Variants in NOL4 observed in about 807,000 individuals in gnomAD.
The protein encoded by NOL4 is cancer/testis antigen 125.
NOL4 carries 17 observed loss-of-function variants against 75.9 expected under a neutral mutation model. The observed-to-expected ratio is 0.22, with a 90% CI of 0.15 to 0.34. The LOEUF (loss-of-function observed/expected upper bound fraction) is 0.34, where lower values mean the gene tolerates loss of function less well. Among genes scored for constraint, NOL4 ranks in the 10% least tolerant of loss-of-function variants. The pLI is 1.00. For missense variants in NOL4, 614 were observed against 793.5 expected, an observed-to-expected ratio of 0.77 and a Z score of 2.72; for synonymous variants, 292 against 289.9, an observed-to-expected ratio of 1.01 and a Z score of -0.07.
At chr18:34,087,749 T>A (rs977400226) in intron 5 of NOL4, among the ~76,000 whole-genome samples, 2 of 149,768 alleles carry the variant, frequency 1.3e-5, no homozygotes, top group African/African-American at 4.9e-5. Flanking sequence ...TACATTTGCC[T>A]TTTTTTTTGA....
intron 6 of NOL4, among the ~76,000 whole-genome samples, chr18:33,974,662 C>T (rs568661231): frequency 1.3e-5 from 2 of 151,964 alleles, no homozygotes; most frequent in South Asian, 4.2e-4. Context: ...CAAGAATCGC[C>T]AAAATGCAAC....
intron 1 of NOL4, among the ~76,000 whole-genome samples, chr18:34,137,663 A>T (rs1217364783): frequency 6.6e-6 from 1 of 152,212 alleles, no homozygotes; most frequent in African/African-American, 2.4e-5. Flanking sequence ...ATCCTCATAC[A>T]TTGCTGGTGG....
intron 6 of NOL4, among the ~76,000 whole-genome samples, chr18:34,005,914 C>T (rs1043077752): frequency 6.6e-6 from 1 of 152,024 alleles, no homozygotes; most frequent in Non-Finnish European, 1.5e-5. Context: ...TTTCTTTTCA[C>T]CTTCTCAAAT....
At chr18:34,059,114 T>C (rs935214914) in intron 5 of NOL4, among the ~76,000 whole-genome samples, 12 of 111,562 alleles carry the variant, frequency 1.1e-4, no homozygotes, top group African/African-American at 6.3e-5. Flanking sequence ...GAGAGATAGA[T>C]AGATATACAT....
chr18:34,164,350 A>T (rs1378387444), intron 1 of NOL4, among the ~76,000 whole-genome samples: 1 of 152,162 alleles, frequency 6.6e-6, no homozygotes, highest in Non-Finnish European at 1.5e-5. Context: ...CATCTGACAA[A>T]GGGCTAATAT....
chr18:34,115,225 T>C (rs548312907), intron 2 of NOL4, among the ~76,000 whole-genome samples: 1 of 152,132 alleles, frequency 6.6e-6, no homozygotes, highest in African/African-American at 2.4e-5. Context: ...CCTTTCCTTT[T>C]TTGGACATAC....
intron 5 of NOL4, among the ~76,000 whole-genome samples, chr18:34,020,485 T>C (rs572046255): frequency 3.9e-5 from 6 of 152,308 alleles, no homozygotes; most frequent in African/African-American, 1.4e-4. Flanking sequence ...TTTGTTCCAG[T>C]CATTACACTT....
intron 6 of NOL4, among the ~76,000 whole-genome samples, chr18:33,979,557 C>T (rs1160245261): frequency 6.6e-6 from 1 of 151,752 alleles, no homozygotes; most frequent in Non-Finnish European, 1.5e-5. Context: ...GTCCACAATC[C>T]TTTATTTAGA....
At chr18:34,201,057 G>C (rs939209154) in intron 1 of NOL4, among the ~76,000 whole-genome samples, 15 of 151,608 alleles carry the variant, frequency 9.9e-5, no homozygotes, top group African/African-American at 3.6e-4. Context: ...GACTGTGAGA[G>C]ACACACAAAG....
chr18:33,921,198 A>G (rs978968480), intron 9 of NOL4, among the ~76,000 whole-genome samples: 4 of 152,190 alleles, frequency 2.6e-5, no homozygotes, highest in African/African-American at 9.7e-5. Flanking sequence ...AGGATGGACC[A>G]TATCCAGAGT....
At chr18:34,145,145 T>C (rs1405572176) in intron 1 of NOL4, among the ~76,000 whole-genome samples, 1 of 152,060 alleles carries the variant, frequency 6.6e-6, no homozygotes, top group African/African-American at 2.4e-5. Flanking sequence ...TTCCAATTAA[T>C]TAAAAATAAT....
chr18:33,870,910 T>C (rs1407803873), intron 10 of NOL4, among the ~76,000 whole-genome samples: 1 of 152,056 alleles, frequency 6.6e-6, no homozygotes, highest in Non-Finnish European at 1.5e-5. Flanking sequence ...GCCATTTAGA[T>C]ATTGGCCAGA....
chr18:34,170,680 T>C (rs543451696), intron 1 of NOL4, among the ~76,000 whole-genome samples: 1 of 152,322 alleles, frequency 6.6e-6, no homozygotes, highest in South Asian at 2.1e-4. Flanking sequence ...GCTTACATTA[T>C]ATTTCTATTG....
chr18:33,861,953 C>T (rs2063159792), intron 10 of NOL4, among the ~76,000 whole-genome samples: 1 of 152,142 alleles, frequency 6.6e-6, no homozygotes, highest in African/African-American at 2.4e-5. Context: ...AAAGAGCCCA[C>T]ATCGCCAAGT....
intron 10 of NOL4, among the ~76,000 whole-genome samples, chr18:33,879,692 AG>A (rs766406226): frequency 5.3e-5 from 8 of 152,040 alleles, no homozygotes; most frequent in Non-Finnish European, 8.8e-5. Context: ...AAAATAAAAA[AG>A]ATAGTTCCTA....
chr18:33,887,485 T>C (rs2064817364), intron 9 of NOL4, among the ~76,000 whole-genome samples: 1 of 151,762 alleles, frequency 6.6e-6, no homozygotes, highest in Non-Finnish European at 1.5e-5. Flanking sequence ...GTTTGTTCCA[T>C]AGGAATACAT....
intron 5 of NOL4, among the ~76,000 whole-genome samples, chr18:34,051,208 A>C (rs1469342059): frequency 6.6e-6 from 1 of 152,088 alleles, no homozygotes; most frequent in Non-Finnish European, 1.5e-5. Flanking sequence ...AAAGTCTGCT[A>C]TCAGGTATAT....
At chr18:33,982,099 T>C (rs1335225921) in intron 6 of NOL4, among the ~76,000 whole-genome samples, 1 of 151,856 alleles carries the variant, frequency 6.6e-6, no homozygotes, top group Non-Finnish European at 1.5e-5. Context: ...CATAAAATGC[T>C]CAAATAAAAT....
chr18:34,061,758 T>A (rs1462078814), intron 5 of NOL4, among the ~76,000 whole-genome samples: 3 of 152,168 alleles, frequency 2.0e-5, no homozygotes, highest in African/African-American at 7.2e-5. Flanking sequence ...TTACTGTTTA[T>A]TTTTATATTG....
Sources: gnomAD v4.1 joint callset for allele counts (sites outside exome capture counted in the v4.1 genomes callset) on GRCh38, gnomAD v4.1.1 for gene constraint, MANE v1.5 for transcripts, NCBI Gene and HGNC (gene_info 2026-07-23, HGNC 2026-07-21) for gene names.